The following TRIM47 variants were observed in gnomAD, a reference collection of about 807,000 sequenced individuals.
The protein encoded by TRIM47 is E3 ubiquitin-protein ligase TRIM47.
Under a neutral mutation model 54.4 loss-of-function variants are expected in TRIM47, and 46 were observed. The observed-to-expected ratio is 0.84, with a 90% CI of 0.67 to 1.08. The LOEUF is 1.08. Among genes scored for constraint, TRIM47 ranks in the 50% least tolerant of loss-of-function variants. TRIM47 has a pLI of 0.00. For missense variants in TRIM47, 825 were observed against 910.1 expected (o/e 0.91, Z 1.20); for synonymous variants, 392 against 410.2 (o/e 0.96, Z 0.54).
chr17:75,876,188 C>A, intron 3 of TRIM47, 74 bp downstream of exon 3: 1 of 1,565,244 alleles, frequency 6.4e-7, no homozygotes. Context: ...AGTCATGCAC[C>A]CACTGCCTCC....
Position 75,877,920 on chromosome 17 carries a change from C to T in TRIM47, c.629G>A (p.Arg210His). Residue 210 changes from arginine to histidine, a missense_variant, in exon 1 of 6, where the codon CGC becomes CAC. Transcript: ENST00000254816. ...CTCCAGCGGCACCAGCTCGTGGCCG[C>T]GGTGCTCCTGTGCGGCGCAGGCCTC... ...LCEACAAQEHRGHELVPLEQE... is the reference protein window; with the variant it reads ...LCEACAAQEHHGHELVPLEQE... The T allele has an allele frequency of 2.1e-6, 3 of 1,431,338 alleles. No homozygotes were observed. Among genetic ancestry groups the T allele is most frequent in the South Asian group, 1.4e-5 (1 of 71,226 alleles). The allele number at this position is 1,431,338 out of a possible 1,614,324, so 88.7% of individuals were successfully genotyped here. A position where few individuals can be genotyped will look rare whatever the true frequency, so the allele number is the denominator to read the frequency against.
chr17:75,878,495 C>T lies in TRIM47; in HGVS notation c.54G>A (p.Glu18=). The change falls in exon 1 of 6, where the codon GAG becomes GAA. Residue 18 remains glutamate (E), a synonymous_variant. Transcript: ENST00000254816. The part of the protein sequence containing the change: ...SCPICLEPLR[E]PVTLPCGHNF... ...TGTGGCCGCAGGGCAGCGTCACCGG[C>T]TCCCGGAGTGGCTCTAGGCAGATGG... 2.2e-6 allele frequency: 3 copies of T among 1,380,700 alleles called. No homozygotes were observed. Among genetic ancestry groups the T allele is most frequent in the Non-Finnish European group, 2.8e-6 (3 of 1,054,664 alleles). The allele number at this position is 1,380,700 out of a possible 1,614,324, so 85.5% of individuals were successfully genotyped here.
rs745763551 is a variant in TRIM47 at position 75,874,755 on chromosome 17, C to T, written c.1645G>A (p.Gly549Arg). ...CGGTCAGCGTATTCCAGGCAGACCC[C>T]AACCGTGGGCGAGAAGGGGTGGGGC... The part of the protein sequence containing the change: ...PLPHPFSPTV[G>R]VCLEYADRAL... Residue 549 changes from glycine (G) to arginine (R), a missense_variant, in exon 6 of 6, where the codon GGG becomes AGG. Coordinates refer to ENST00000254816, the MANE Select transcript of TRIM47 (RefSeq NM_033452.3). This position sits in a 1 kb window ranked among gnomAD's most constrained non-coding sequence, Gnocchi z 6.2. 1.2e-6 allele frequency: 2 copies of T among 1,614,042 alleles called. No individual in the cohort carries two copies. The highest frequency in any genetic ancestry group is 1.7e-6 in the Non-Finnish European group (2 of 1,180,018).
At position 75,875,901 on chromosome 17, in the gene TRIM47, C is replaced by T. The variant is rs759678072; in HGVS notation, c.1201G>A (p.Ala401Thr). ...EDGPQKLDSE[A>T]DAEPQDLEST... ...CGGGGGGGCGTGGGGCGGTGCCCAC[C>T]TTCCGAGTCCAGCTTCTGTGGCCCA... The change falls in exon 4 of 6, where the codon GCT becomes ACT. Residue 401 changes from alanine to threonine, a missense_variant and splice_region_variant. Transcript: ENST00000254816. The surrounding 1 kb of genome is among the most constrained non-coding windows in gnomAD (Gnocchi z 6.1). The T allele has an allele frequency of 6.2e-7, 1 of 1,611,454 alleles. No homozygotes were observed. Among genetic ancestry groups the T allele is most frequent in the Non-Finnish European group, 8.5e-7 (1 of 1,179,576 alleles).
intron 2 of TRIM47, 60 bp from the exon 3 acceptor site, chr17:75,876,552 C>T: frequency 2.6e-6 from 4 of 1,511,164 alleles, no homozygotes; most frequent in South Asian, 1.3e-5. Flanking sequence ...GACTGTACCC[C>T]CCTCCTTCCC....
At chr17:75,876,612 G>A in intron 2 of TRIM47, 106 bp downstream of exon 2, 1 of 1,523,798 alleles carries the variant, frequency 6.6e-7, no homozygotes, top group Non-Finnish European at 8.9e-7. Context: ...GGGCCAGACT[G>A]AGCCTGTCCT....
rs762782456 is a variant in TRIM47 at position 75,874,527 on chromosome 17, C to T, written c.1873G>A (p.Gly625Arg). Residue 625 changes from glycine to arginine, a missense_variant, in exon 6 of 6, where the codon GGG becomes AGG. By Grantham distance (125) the Gly-to-Arg change is moderately radical. Coordinates refer to ENST00000254816, the MANE Select transcript of TRIM47 (RefSeq NM_033452.3). The surrounding 1 kb of genome is among the most constrained non-coding windows in gnomAD (Gnocchi z 6.2). ...GATATGCAGGACTTCTTGAGGGGCC[C>T]GATCTGCAAGTGGGCGTCCACACTC... ...LESVDAHLQI[G>R]PLKKSCISVL... The T allele has an allele frequency of 1.2e-5, 18 of 1,513,748 alleles. No homozygotes were observed. The highest frequency in any genetic ancestry group is 7.0e-5 in the African/African-American group (5 of 71,568). The allele number at this position is 1,513,748 out of a possible 1,614,324, so 93.8% of individuals were successfully genotyped here.
rs1347801000 is a variant in TRIM47 at position 75,876,508 on chromosome 17, G to A, written c.772-16C>T. ...CGGCTGCACTCTGCACAGGACGACA[G>A]TAGAGGGGGCAATGAGGGCAAAGAA... On this transcript the variant is annotated splice_polypyrimidine_tract_variant and intron_variant, in intron 2 of 5. Coordinates refer to ENST00000254816, the MANE Select transcript of TRIM47 (RefSeq NM_033452.3). 1 of 1,580,772 alleles carries A rather than the reference G, an allele frequency of 6.3e-7. No individual in the cohort carries two copies. Among genetic ancestry groups the A allele is most frequent in the Admixed American group, 1.8e-5 (1 of 57,142 alleles).
chr17:75,875,546 C>A lies in TRIM47; in HGVS notation c.1202-72G>T. The A allele has an allele frequency of 7.3e-7, 1 of 1,375,976 alleles. No homozygotes were observed. The highest frequency in any genetic ancestry group is 1.2e-5 in the South Asian group (1 of 85,108). 85.2% of individuals were successfully genotyped at this position (1,375,976 alleles called of 1,614,324 possible). A position where few individuals can be genotyped will look rare whatever the true frequency, so the allele number is the denominator to read the frequency against. The stretch of plus-strand genomic sequence containing the variant: ...TCTGAACCTGTGACTACAATCCCTA[C>A]CCCCTTCACTTCCTCCCAGAGTCCA... On this transcript the variant is annotated intron_variant, in intron 4 of 5. Coordinates refer to ENST00000254816, the MANE Select transcript of TRIM47 (RefSeq NM_033452.3). The surrounding 1 kb of genome is among the most constrained non-coding windows in gnomAD (Gnocchi z 6.1).
intron 1 of TRIM47, 162 bp from the exon 2 acceptor site, chr17:75,876,975 G>A: frequency 1.5e-6 from 1 of 677,524 alleles, no homozygotes; most frequent in Non-Finnish European, 2.5e-6. Context: ...TGCCAGAGGT[G>A]CCTGCAGCCC....
In TRIM47 at chr17:75,878,457, G is replaced by C. The variant is rs1320198186; in HGVS notation, c.92C>G (p.Ala31Gly). 4.2e-6 allele frequency: 6 copies of C among 1,432,180 alleles called. No homozygotes were observed. Among genetic ancestry groups the C allele is most frequent in the Non-Finnish European group, 4.6e-6 (5 of 1,082,910 alleles). 88.7% of individuals were successfully genotyped at this position (1,432,180 alleles called of 1,614,324 possible). ...TLPCGHNFCL[A>G]CLGALWPHRG... The stretch of plus-strand genomic sequence containing the variant: ...ATGCGGCCAGAGCGCGCCCAGGCAG[G>C]CGAGACAGAAGTTGTGGCCGCAGGG... The change falls in exon 1 of 6, where the codon GCC becomes GGC. Residue 31 changes from alanine (A) to glycine (G), a missense_variant. Ala to Gly is a moderately conservative substitution (Grantham distance 60). Transcript: ENST00000254816.
At position 75,876,320 on chromosome 17, in the gene TRIM47, C is replaced by A; in HGVS notation, c.944G>T (p.Ser315Ile). ...CTGGCTGAGATTCTGGCGGGCTCGG[C>A]TCAGGCGGCTGCGCTGTTCCTCCTG... ...RRQEEQRSRL[S>I]RARQNLSQVP... The change falls in exon 3 of 6, where the codon AGC becomes ATC. Residue 315 changes from serine to isoleucine, a missense_variant. By Grantham distance (142) the Ser-to-Ile change is moderately radical. Coordinates refer to ENST00000254816, the MANE Select transcript of TRIM47 (RefSeq NM_033452.3). 6.2e-7 allele frequency: 1 copy of A among 1,611,132 alleles called. No homozygotes were observed. Among genetic ancestry groups the A allele is most frequent in the Non-Finnish European group, 8.5e-7 (1 of 1,179,934 alleles).
In TRIM47 at chr17:75,877,976, G is replaced by C. The variant is rs2065145598; in HGVS notation, c.573C>G (p.Arg191=). The C allele has an allele frequency of 1.4e-6, 2 of 1,463,712 alleles. No homozygotes were observed. Among genetic ancestry groups the C allele is most frequent in the African/African-American group, 2.9e-5 (2 of 67,978 alleles). 90.7% of individuals were successfully genotyped at this position (1,463,712 alleles called of 1,614,324 possible). ...LCPRHLRPLE[R]YCRAERVCLC... ...GACACACGCGCTCCGCGCGGCAGTA[G>C]CGCTCGAGCGGCCGTAGGTGGCGCG... is the stretch of plus-strand genomic sequence containing the variant. Residue 191 remains arginine, a synonymous_variant, in exon 1 of 6, where the codon CGC becomes CGG. Coordinates refer to ENST00000254816, the MANE Select transcript of TRIM47 (RefSeq NM_033452.3).
rs552459141 is a variant in TRIM47, at chr17:75,875,732, G to A, written c.1201+169C>T. On this transcript the variant is annotated intron_variant, in intron 4 of 5. Transcript: ENST00000254816. The surrounding 1 kb of genome is among the most constrained non-coding windows in gnomAD (Gnocchi z 6.1). ...GCCCCCTCTACCCCAGGTCCAAGGG[G>A]CTGATTGATCCCCACAGGGTGGCAG... 8.5e-6 allele frequency: 7 copies of A among 823,908 alleles called. No individual in the cohort carries two copies. In the South Asian group the frequency reaches 8.6e-5, roughly 10 times the overall value. The allele number at this position is 823,908 out of a possible 1,614,324, so 51.0% of individuals were successfully genotyped here. A position where few individuals can be genotyped will look rare whatever the true frequency, so the allele number is the denominator to read the frequency against.
At position 75,875,181 on chromosome 17, in the gene TRIM47, C is replaced by G. The variant is rs902766635; in HGVS notation, c.1277-58G>C. 6.5e-6 allele frequency: 10 copies of G among 1,531,886 alleles called. No individual in the cohort carries two copies. The highest frequency in any genetic ancestry group is 8.8e-6 in the Non-Finnish European group (10 of 1,140,070). The allele number at this position is 1,531,886 out of a possible 1,614,324, so 94.9% of individuals were successfully genotyped here. A position where few individuals can be genotyped will look rare whatever the true frequency, so the allele number is the denominator to read the frequency against. The stretch of plus-strand genomic sequence containing the variant: ...TCAGGGCCAGGCTCAGAGGGCACGG[C>G]CCCTCCCCAAGTACCCACCCCCCCA... On this transcript the variant is annotated intron_variant, in intron 5 of 5. Transcript: ENST00000254816. The surrounding 1 kb of genome is among the most constrained non-coding windows in gnomAD (Gnocchi z 6.1).
At chr17:75,877,085 C>G (rs1259119441) in intron 1 of TRIM47, 1 of 467,496 alleles carries the variant, frequency 2.1e-6, no homozygotes, top group Non-Finnish European at 3.9e-6. Context: ...GTCCGCTGGT[C>G]TCAGTGTTGC....
rs146859906 is a variant in TRIM47 at position 75,874,884 on chromosome 17, C to T, written c.1516G>A (p.Glu506Lys). 7.8e-4 allele frequency: 1,262 copies of T among 1,614,162 alleles called. 2 individuals are homozygous for T. Among genetic ancestry groups the T allele is most frequent in the Non-Finnish European group, 8.4e-4 (991 of 1,180,014 alleles). ...GVMAEDFSPQEPYDRGRLGRN... is the reference protein window; with the variant it reads ...GVMAEDFSPQKPYDRGRLGRN... ...CCCAGCCGGCCGCGGTCGTAGGGCT[C>T]TTGTGGGGAGAAGTCTTCGGCCATG... Residue 506 changes from glutamate to lysine, a missense_variant, in exon 6 of 6, where the codon GAG (glutamate) becomes AAG (lysine). Coordinates refer to ENST00000254816, the MANE Select transcript of TRIM47 (RefSeq NM_033452.3). The surrounding 1 kb of genome is among the most constrained non-coding windows in gnomAD (Gnocchi z 6.2).
In TRIM47 at chr17:75,875,522, C is replaced by T. The variant is rs201939212; in HGVS notation, c.1202-48G>A. 3 of 1,547,366 alleles carry T rather than the reference C, an allele frequency of 1.9e-6. No individual in the cohort carries two copies. The highest frequency in any genetic ancestry group is 1.8e-6 in the Non-Finnish European group (2 of 1,120,382). On this transcript the variant is annotated intron_variant, in intron 4 of 5. Coordinates refer to ENST00000254816, the MANE Select transcript of TRIM47 (RefSeq NM_033452.3). The surrounding 1 kb of genome is among the most constrained non-coding windows in gnomAD (Gnocchi z 6.1). ...GAGAACGCCCCCAGACTGCCCCCCT[C>T]TGAACCTGTGACTACAATCCCTACC...
chr17:75,876,593 G>T (rs558208710), intron 2 of TRIM47, 101 bp from the exon 3 acceptor site: 2 of 1,503,382 alleles, frequency 1.3e-6, no homozygotes, highest in Non-Finnish European at 1.8e-6. Flanking sequence ...CCCTCTTGAG[G>T]GGACAGAGGG....
Sources: allele counts gnomAD v4.1 joint callset, GRCh38; gene constraint gnomAD v4.1.1; non-coding constraint Gnocchi (gnomAD v3.1); transcripts MANE v1.5; gene names NCBI Gene and HGNC (gene_info 2026-07-23, HGNC 2026-07-21).